SERPIND1: variants seen among roughly 807,000 people sequenced by gnomAD.
SERPIND1 encodes the protein serpin family D member 1, also known as heparin cofactor 2.
SERPIND1 carries 34 observed loss-of-function variants against 35.0 expected under a neutral mutation model. That is an observed-to-expected ratio of 0.97 (90% CI 0.74 to 1.29). The LOEUF (loss-of-function observed/expected upper bound fraction) is 1.29, where lower values mean the gene tolerates loss of function less well. SERPIND1 is among the 50% of genes most tolerant of loss of function. The probability of loss-of-function intolerance (pLI) is 0.00; values close to 1 mark genes in which losing one functional copy is unlikely to be tolerated. For synonymous variants in SERPIND1, 236 were observed against 241.1 expected (o/e 0.98, Z 0.19); for missense variants, 633 against 637.7 (o/e 0.99, Z 0.08).
intron 4 of SERPIND1, 82 bp downstream of exon 4, chr22:20,786,230 A>T (rs1934213213): frequency 2.1e-6 from 3 of 1,454,466 alleles, no homozygotes; most frequent in Non-Finnish European, 2.9e-6. Context: ...CTTCCTACCC[A>T]CCCCCCAATC....
In SERPIND1 at chr22:20,784,199, C is replaced by T. The variant is rs142898872; in HGVS notation, c.1117C>T (p.Leu373=). Residue 373 remains leucine, a synonymous_variant, in exon 3 of 5, where the codon CTG becomes TTG. Coordinates refer to ENST00000215727, the MANE Select transcript of SERPIND1 (RefSeq NM_000185.4). ...MSGMKTLEAQ[L]TPRVVERWQK... is the part of the protein sequence containing the mutation. Reference sequence around the variant, plus strand: ...TGGGATGAAGACCCTCGAAGCGCAACTGACACCCCGGGTGGTGGAGAGATG... The same window carrying T: ...TGGGATGAAGACCCTCGAAGCGCAATTGACACCCCGGGTGGTGGAGAGATG... 8.7e-6 allele frequency: 14 copies of T among 1,614,214 alleles called. No homozygotes were observed. In the African/African-American group the frequency reaches 1.5e-4, roughly 17 times the overall value.
At chr22:20,784,937 T>G (rs981136919) in intron 3 of SERPIND1, among the ~76,000 whole-genome samples, 4 of 152,188 alleles carry the variant, frequency 2.6e-5, no homozygotes, top group Non-Finnish European at 5.9e-5. Flanking sequence ...AAGTAGGCTC[T>G]CAGAGGAAGG....
At chr22:20,775,190 C>T (rs1026013623) in intron 1 of SERPIND1, among the ~76,000 whole-genome samples, 12 of 151,130 alleles carry the variant, frequency 7.9e-5, no homozygotes, top group Admixed American at 1.3e-4. Flanking sequence ...TATGAAGTTC[C>T]CAGGAAAAAA....
chr22:20,775,551 C>T (rs894725951), intron 1 of SERPIND1, among the ~76,000 whole-genome samples: 2 of 152,204 alleles, frequency 1.3e-5, no homozygotes, highest in Non-Finnish European at 2.9e-5. Context: ...GCCTCAGATA[C>T]GTTTTCCTGA....
intron 2 of SERPIND1, among the ~76,000 whole-genome samples, chr22:20,782,307 G>A (rs1048403653): frequency 6.6e-6 from 1 of 152,140 alleles, no homozygotes; most frequent in Non-Finnish European, 1.5e-5. Context: ...ACAGTAACCC[G>A]TGTCATACCA....
intron 3 of SERPIND1, among the ~76,000 whole-genome samples, chr22:20,785,649 CA>C (rs976570380): frequency 4.7e-5 from 7 of 147,686 alleles, no homozygotes; most frequent in East Asian, 2.0e-4. Context: ...TCCTTAATTA[CA>C]AAAAAAAAAC....
At chr22:20,775,430 T>C (rs1933190013) in intron 1 of SERPIND1, among the ~76,000 whole-genome samples, 1 of 152,194 alleles carries the variant, frequency 6.6e-6, no homozygotes, top group Non-Finnish European at 1.5e-5. Context: ...TGACGAAAAC[T>C]ATTTTTGGCT....
intron 3 of SERPIND1, among the ~76,000 whole-genome samples, chr22:20,784,579 T>C (rs1267729403): frequency 6.6e-6 from 1 of 152,136 alleles, no homozygotes; most frequent in East Asian, 1.9e-4. Flanking sequence ...CCCGGGTCAC[T>C]TGAGAAAATA....
chr22:20,782,040 T>C (rs141025857), intron 2 of SERPIND1, among the ~76,000 whole-genome samples: 113 of 152,346 alleles, frequency 7.4e-4, no homozygotes, highest in Admixed American at 1.0e-3. Flanking sequence ...ATATTGTTAG[T>C]GACATTTATT....
chr22:20,786,965 G>A lies in SERPIND1; in HGVS notation c.1399G>A (p.Val467Ile). ...GGGGTTCATGCCGCTGTCCACCCAA[G>A]TCCGCTTCACTGTCGACCGCCCCTT... is the stretch of plus-strand genomic sequence containing the variant. Reference protein sequence around the residue: ...TVGFMPLSTQVRFTVDRPFLF... With the variant: ...TVGFMPLSTQIRFTVDRPFLF... The change falls in exon 5 of 5, where the codon GTC becomes ATC. Residue 467 changes from valine (V) to isoleucine (I), a missense_variant. By Grantham distance (29) the Val-to-Ile change is conservative. Transcript: ENST00000215727. 6.2e-7 allele frequency: 1 copy of A among 1,614,180 alleles called. No homozygotes were observed. The highest frequency in any genetic ancestry group is 1.1e-5 in the South Asian group (1 of 91,080).
intron 1 of SERPIND1, among the ~76,000 whole-genome samples, chr22:20,775,306 T>C (rs894487208): frequency 6.6e-6 from 1 of 152,258 alleles, no homozygotes; most frequent in South Asian, 2.1e-4. Context: ...TTAAACGTCT[T>C]CTACAATGTT....
At chr22:20,776,011 A>T (rs565811504) in intron 1 of SERPIND1, among the ~76,000 whole-genome samples, 53 of 152,270 alleles carry the variant, frequency 3.5e-4, no homozygotes, top group African/African-American at 1.2e-3. Flanking sequence ...TTCTATTTGC[A>T]GCTACATACA....
intron 2 of SERPIND1, among the ~76,000 whole-genome samples, chr22:20,783,211 A>G (rs1413026104): frequency 6.6e-6 from 1 of 152,202 alleles, no homozygotes; most frequent in Non-Finnish European, 1.5e-5. Flanking sequence ...CACTGTCCCC[A>G]TATCTACAGT....
intron 4 of SERPIND1, 54 bp downstream of exon 4, chr22:20,786,202 G>C (rs1934210709): frequency 1.2e-6 from 2 of 1,602,848 alleles, no homozygotes; most frequent in Non-Finnish European, 1.7e-6. Flanking sequence ...CCTCAGCACA[G>C]CCCCACCTCC....
At position 20,787,171 on chromosome 22, in the gene SERPIND1, T is replaced by C; in HGVS notation, c.*105T>C. 1 of 1,055,410 alleles carries C rather than the reference T, an allele frequency of 9.5e-7. No individual in the cohort carries two copies. Among genetic ancestry groups the C allele is most frequent in the Non-Finnish European group, 1.5e-6 (1 of 689,208 alleles). 65.4% of individuals were successfully genotyped at this position (1,055,410 alleles called of 1,614,324 possible). A position where few individuals can be genotyped will look rare whatever the true frequency, so the allele number is the denominator to read the frequency against. The stretch of plus-strand genomic sequence containing the variant: ...CTGGCATCATTTACGTAGTTTACGC[T>C]ACCAATCTGAATTCGAGGCCCATAT... On this transcript the variant is annotated 3_prime_UTR_variant, in exon 5 of 5. Coordinates refer to ENST00000215727, the MANE Select transcript of SERPIND1 (RefSeq NM_000185.4).
In SERPIND1 at chr22:20,787,052, C is replaced by T. The variant is rs1842603182; in HGVS notation, c.1486C>T (p.Pro496Ser). ...CLLFMGRVAN[P>S]SRS The stretch of plus-strand genomic sequence containing the variant: ...GCTCTTCATGGGAAGAGTGGCCAAC[C>T]CCAGCAGGTCCTAGAGGTGGAGGTC... Residue 496 changes from proline (P) to serine (S), a missense_variant, in exon 5 of 5, where the codon CCC becomes TCC. Coordinates refer to ENST00000215727, the MANE Select transcript of SERPIND1 (RefSeq NM_000185.4). The T allele has an allele frequency of 1.2e-6, 2 of 1,614,032 alleles. No individual in the cohort carries two copies. Among genetic ancestry groups the T allele is most frequent in the Admixed American group, 1.7e-5 (1 of 60,006 alleles).
chr22:20,785,960 T>G (rs1208910110), intron 3 of SERPIND1, 44 bp from the exon 4 acceptor site: 4 of 1,613,906 alleles, frequency 2.5e-6, no homozygotes, highest in Non-Finnish European at 3.4e-6. Flanking sequence ...CTTTTGTAAC[T>G]TGTGGTTCAA....
chr22:20,786,230 AC>A lies in SERPIND1; in HGVS notation c.1308+88del, dbSNP rs1308263691. On this transcript the variant is annotated intron_variant, in intron 4 of 4. Coordinates refer to ENST00000215727, the MANE Select transcript of SERPIND1 (RefSeq NM_000185.4). ...CCACCTCCACTTGCCCTTCCTACCC[AC>A]CCCCCAATCTCATGTCCCAGCTTGG... 5.5e-6 allele frequency: 8 copies of A among 1,454,310 alleles called. No individual in the cohort carries two copies. In the African/African-American group the frequency reaches 7.0e-5, roughly 13 times the overall value. The allele number at this position is 1,454,310 out of a possible 1,614,324, so 90.1% of individuals were successfully genotyped here.
Position 20,783,972 on chromosome 22 carries a change from G to A in SERPIND1, c.890G>A (p.Gly297Glu). The A allele has an allele frequency of 1.2e-6, 2 of 1,614,212 alleles. No individual in the cohort carries two copies. Among genetic ancestry groups the A allele is most frequent in the East Asian group, 2.2e-5 (1 of 44,886 alleles). The part of the protein sequence containing the change: ...MMILNCIYFK[G>E]SWVNKFPVEM... ...CAGCCTCTTCCTGTGGCCTTTACAG[G>A]ATCCTGGGTGAATAAATTCCCAGTG... Residue 297 changes from glycine to glutamate, a missense_variant and splice_region_variant, in exon 3 of 5, where the codon GGA (glycine) becomes GAA (glutamate). By Grantham distance (98) the Gly-to-Glu change is moderately conservative. Transcript: ENST00000215727.
Sources: gnomAD v4.1 joint callset for allele counts (sites outside exome capture counted in the v4.1 genomes callset) on GRCh38, gnomAD v4.1.1 for gene constraint, MANE v1.5 for transcripts, NCBI Gene and HGNC (gene_info 2026-07-23, HGNC 2026-07-21) for gene names.